POU6F2: variants seen among roughly 807,000 people sequenced by gnomAD.
The protein encoded by POU6F2 is POU class 6 homeobox 2.
POU6F2 carries 31 observed loss-of-function variants against 71.3 expected under a neutral mutation model. That is an observed-to-expected ratio of 0.43 (90% CI 0.33 to 0.59). The LOEUF is 0.59. Ranked by LOEUF, POU6F2 falls within the 20% of genes least tolerant of loss-of-function variation. The pLI, the probability that POU6F2 is intolerant of heterozygous loss-of-function variation, is 0.04. For missense variants in POU6F2, 783 were observed against 856.8 expected (o/e 0.91, Z 1.07); for synonymous variants, 347 against 355.7 (o/e 0.98, Z 0.27).
At chr7:39,187,722 A>T (rs1489665773) in intron 2 of POU6F2, among the ~76,000 whole-genome samples, 1 of 152,230 alleles carries the variant, frequency 6.6e-6, no homozygotes, top group East Asian at 1.9e-4. Context: ...TGAAATTAGG[A>T]GGAACCAGAG....
intron 2 of POU6F2, among the ~76,000 whole-genome samples, chr7:39,094,116 A>G (rs1032526979): frequency 1.3e-5 from 2 of 152,278 alleles, no homozygotes; most frequent in Middle Eastern, 3.4e-3. Flanking sequence ...AAGGGAAACT[A>G]GTTATACTGT....
At chr7:39,006,371 G>A (rs562864738) in intron 1 of POU6F2, among the ~76,000 whole-genome samples, 26 of 152,208 alleles carry the variant, frequency 1.7e-4, no homozygotes, top group South Asian at 1.5e-3. Flanking sequence ...GGGTGAGGCA[G>A]GAGAATTGCT....
At chr7:39,455,388 T>C (rs1417804230) in intron 8 of POU6F2, among the ~76,000 whole-genome samples, 1 of 152,218 alleles carries the variant, frequency 6.6e-6, no homozygotes, top group Non-Finnish European at 1.5e-5. Context: ...ATCCATGCCA[T>C]TTTCTACATC....
chr7:39,170,826 G>A (rs1793204346), intron 2 of POU6F2, among the ~76,000 whole-genome samples: 1 of 151,890 alleles, frequency 6.6e-6, no homozygotes, highest in Non-Finnish European at 1.5e-5. Context: ...TTGTATACAT[G>A]TATCAAAATA....
At chr7:39,416,138 A>ACACG (rs1787668767) in intron 6 of POU6F2, among the ~76,000 whole-genome samples, 1 of 148,524 alleles carries the variant, frequency 6.7e-6, no homozygotes, top group Non-Finnish European at 1.5e-5. Context: ...ACACACACAC[A>ACACG]CTAGAAAACT....
At chr7:39,175,618 C>T (rs1213818971) in intron 2 of POU6F2, among the ~76,000 whole-genome samples, 1 of 151,988 alleles carries the variant, frequency 6.6e-6, no homozygotes, top group Non-Finnish European at 1.5e-5. Flanking sequence ...ATAATGAACC[C>T]AGCTCTGTCT....
At chr7:39,153,492 C>T (rs1213862421) in intron 2 of POU6F2, among the ~76,000 whole-genome samples, 1 of 152,084 alleles carries the variant, frequency 6.6e-6, no homozygotes, top group Non-Finnish European at 1.5e-5. Flanking sequence ...TTCAAAACAT[C>T]TACATTTATA....
intron 2 of POU6F2, among the ~76,000 whole-genome samples, chr7:39,093,483 G>C (rs1791394964): frequency 1.3e-5 from 2 of 151,986 alleles, no homozygotes; most frequent in South Asian, 4.1e-4. Context: ...CCCAATGATA[G>C]CCAACATGAA....
intron 9 of POU6F2, among the ~76,000 whole-genome samples, chr7:39,463,802 C>A (rs538975474): frequency 2.0e-5 from 3 of 152,214 alleles, no homozygotes; most frequent in Non-Finnish European, 4.4e-5. Context: ...TTTGATGTCA[C>A]TTCTTAGCGT....
At chr7:39,363,043 G>C (rs1050938965) in intron 5 of POU6F2, among the ~76,000 whole-genome samples, 4 of 152,100 alleles carry the variant, frequency 2.6e-5, no homozygotes, top group African/African-American at 9.7e-5. Context: ...AATAAAACAC[G>C]AACACCCGTA....
chr7:39,052,161 G>T (rs1038485596), intron 1 of POU6F2, among the ~76,000 whole-genome samples: 3 of 152,130 alleles, frequency 2.0e-5, no homozygotes, highest in Admixed American at 6.6e-5. Context: ...CAGTGTGACA[G>T]GAGCCATACC....
At position 39,217,999 on chromosome 7, in the gene POU6F2, C is replaced by T. The variant is rs1794275811; in HGVS notation, c.598+10379C>T. Among the ~76,000 whole-genome samples, 3 of 152,210 alleles carry T rather than the reference C, an allele frequency of 2.0e-5. No individual in the cohort carries two copies. In the South Asian group the frequency reaches 6.2e-4, roughly 32 times the overall value. On this transcript the variant is annotated intron_variant, in intron 4 of 9. Coordinates refer to ENST00000518318, the MANE Select transcript of POU6F2 (RefSeq NM_001370959.1). ...CATAAATGTCAAAGCAAAGCCAAAG[C>T]ATTTATTTTCAAAGCAAAATGCAGG...
intron 1 of POU6F2, among the ~76,000 whole-genome samples, chr7:39,052,054 G>T (rs1266937912): frequency 2.0e-5 from 3 of 152,082 alleles, no homozygotes; most frequent in Non-Finnish European, 2.9e-5. Flanking sequence ...GATTATTTGG[G>T]TGTCAGTGCT....
chr7:39,339,355 A>G (rs1242340338), intron 4 of POU6F2, among the ~76,000 whole-genome samples: 2 of 152,220 alleles, frequency 1.3e-5, no homozygotes, highest in Admixed American at 1.3e-4. Flanking sequence ...TAGTTAAAAA[A>G]CAATCTCCAT....
intron 4 of POU6F2, among the ~76,000 whole-genome samples, chr7:39,334,497 C>G (rs1328993570): frequency 6.6e-6 from 1 of 151,446 alleles, no homozygotes; most frequent in Non-Finnish European, 1.5e-5. Context: ...CCTCCTGAAT[C>G]TAAAATTTGA....
Position 39,074,177 on chromosome 7 carries a change from CA to C in POU6F2, c.106-11682del, listed in dbSNP as rs1790946400. Among the ~76,000 whole-genome samples, 3 of 152,116 alleles carry C rather than the reference CA, an allele frequency of 2.0e-5. No homozygotes were observed. The South Asian group carries it at 6.2e-4, about 32-fold the overall frequency. On this transcript the variant is annotated intron_variant, in intron 1 of 9. Coordinates refer to ENST00000518318, the MANE Select transcript of POU6F2 (RefSeq NM_001370959.1). Reference sequence around the variant, plus strand: ...CAGCCAGGGCAACACAGTGAAGCCCCATCTCTACTAAAATACAAAAAATTAG... The same window carrying C: ...CAGCCAGGGCAACACAGTGAAGCCCCTCTCTACTAAAATACAAAAAATTAG...
chr7:39,066,576 T>G (rs1284216549), intron 1 of POU6F2, among the ~76,000 whole-genome samples: 3 of 151,654 alleles, frequency 2.0e-5, no homozygotes, highest in Non-Finnish European at 4.4e-5. Context: ...ACATAAAATA[T>G]TTGGAAATTT....
In POU6F2 at chr7:39,011,972, C is replaced by T. The variant is rs529857357; in HGVS notation, c.105+33914C>T. Among the ~76,000 whole-genome samples the T allele has an allele frequency of 6.1e-3, 925 of 152,190 alleles. 9 individuals are homozygous for T. Among genetic ancestry groups the T allele is most frequent in the African/African-American group, 0.021 (887 of 41,512 alleles). ...GCCCTTAACATTTTTTCCTTCATTT[C>T]AACTTTGGTGAAACTGACAATTATG... On this transcript the variant is annotated intron_variant, in intron 1 of 9. Transcript: ENST00000518318.
At chr7:39,227,075 C>A (rs1562754622) in intron 4 of POU6F2, among the ~76,000 whole-genome samples, 1 of 152,112 alleles carries the variant, frequency 6.6e-6, no homozygotes, top group Non-Finnish European at 1.5e-5. Context: ...TTTCAAAATC[C>A]ATTTTCTGTC....
Sources: gnomAD v4.1 joint callset for allele counts (sites outside exome capture counted in the v4.1 genomes callset) on GRCh38, gnomAD v4.1.1 for gene constraint, MANE v1.5 for transcripts, NCBI Gene and HGNC (gene_info 2026-07-23, HGNC 2026-07-21) for gene names.